The following GALNT13 variants were observed in gnomAD, a reference collection of about 807,000 sequenced individuals.
GALNT13 encodes polypeptide N-acetylgalactosaminyltransferase 13.
Under a neutral mutation model 64.2 loss-of-function variants are expected in GALNT13, and 28 were observed. The ratio of observed to expected loss-of-function variants is 0.44; its 90% confidence interval spans 0.32 to 0.60. The LOEUF is 0.60. Ranked by LOEUF, GALNT13 falls within the 20% of genes least tolerant of loss-of-function variation. The pLI, the probability that GALNT13 is intolerant of heterozygous loss-of-function variation, is 0.05. For synonymous variants in GALNT13, 214 were observed against 224.6 expected (o/e 0.95, Z 0.42); for missense variants, 577 against 669.8 (o/e 0.86, Z 1.53).
chr2:153,669,602 A>G, the GALNT13 span, among the ~76,000 whole-genome samples: 3 of 152,202 alleles, frequency 2.0e-5, no homozygotes, highest in Non-Finnish European at 4.4e-5. Context: ...TACAGCTCCC[A>G]GTGAGATTGA....
chr2:153,949,559 G>T (rs986510452), intron 3 of GALNT13, among the ~76,000 whole-genome samples: 22 of 151,248 alleles, frequency 1.5e-4, no homozygotes, highest in Admixed American at 2.6e-4. Context: ...TAAAATTGAG[G>T]TTTACAGCAT....
At chr2:154,186,167 TCTA>T (rs1043815793) in intron 4 of GALNT13, among the ~76,000 whole-genome samples, 62 of 152,208 alleles carry the variant, frequency 4.1e-4, no homozygotes, top group African/African-American at 1.4e-3. Context: ...TTTTTAAAAA[TCTA>T]CTACTGTCAG....
intron 4 of GALNT13, among the ~76,000 whole-genome samples, chr2:154,146,151 T>TAC (rs1166942384): frequency 2.6e-4 from 36 of 136,106 alleles, no homozygotes; most frequent in East Asian, 7.9e-4. Flanking sequence ...TATATATATA[T>TAC]ACACACACAC....
At chr2:154,290,929 T>A (rs543889576) in intron 8 of GALNT13, among the ~76,000 whole-genome samples, 1 of 152,150 alleles carries the variant, frequency 6.6e-6, no homozygotes, top group Non-Finnish European at 1.5e-5. Context: ...CCAGAGCTGT[T>A]CGTCCCTCCC....
chr2:153,961,476 TTA>T (rs1432442287), intron 3 of GALNT13, among the ~76,000 whole-genome samples: 1 of 141,554 alleles, frequency 7.1e-6, no homozygotes, highest in East Asian at 4.4e-4. Context: ...GGCAAATGCA[TTA>T]GTTAGTGTAA....
the GALNT13 span, among the ~76,000 whole-genome samples, chr2:153,118,476 C>G: frequency 6.6e-6 from 1 of 152,156 alleles, no homozygotes; most frequent in South Asian, 2.1e-4. Context: ...TTTGGATCTT[C>G]CCACATTGGG....
the GALNT13 span, among the ~76,000 whole-genome samples, chr2:153,807,110 A>G: frequency 6.6e-6 from 1 of 152,076 alleles, no homozygotes; most frequent in Non-Finnish European, 1.5e-5. Context: ...TCCGTGTAGT[A>G]ACAGCACAAA....
chr2:153,738,647 G>T, the GALNT13 span, among the ~76,000 whole-genome samples: 6 of 151,874 alleles, frequency 4.0e-5, no homozygotes, highest in East Asian at 1.2e-3. Context: ...TAAAAAATAT[G>T]ATATCTACAC....
At chr2:154,110,593 T>A (rs570575690) in intron 3 of GALNT13, among the ~76,000 whole-genome samples, 1 of 151,654 alleles carries the variant, frequency 6.6e-6, no homozygotes, top group African/African-American at 2.4e-5. Context: ...GCCAGTCTAG[T>A]CTTTTGACAT....
intron 3 of GALNT13, among the ~76,000 whole-genome samples, chr2:154,003,356 G>C (rs959534635): frequency 6.6e-6 from 1 of 152,172 alleles, no homozygotes; most frequent in Non-Finnish European, 1.5e-5. Context: ...GAAATTCTCT[G>C]AGAGTGGTGT....
At chr2:154,367,067 C>CT (rs200634948) in intron 9 of GALNT13, among the ~76,000 whole-genome samples, 6 of 151,082 alleles carry the variant, frequency 4.0e-5, no homozygotes, top group Admixed American at 6.6e-5. Flanking sequence ...AAATAAACTC[C>CT]TTTTTTAAAA....
chr2:153,105,672 T>C, the GALNT13 span, among the ~76,000 whole-genome samples: 2 of 152,114 alleles, frequency 1.3e-5, no homozygotes, highest in Admixed American at 6.6e-5. Context: ...TTCAGCAAAG[T>C]CTCAGGATAC....
chr2:153,412,488 A>C, the GALNT13 span, among the ~76,000 whole-genome samples: 1 of 152,188 alleles, frequency 6.6e-6, no homozygotes, highest in Non-Finnish European at 1.5e-5. Context: ...GCTCATCTCA[A>C]AATAGATGAA....
At chr2:153,825,608 CTGTGTGTGTGTGTGTGTGTG>C in the GALNT13 span, among the ~76,000 whole-genome samples, 21 of 134,776 alleles carry the variant, frequency 1.6e-4, no homozygotes, top group Admixed American at 1.3e-3. Context: ...TCCATGAGTG[CTGTGTGTGTGTGTGTGTGTG>C]TGTGTGTGTG....
At chr2:153,509,333 T>C in the GALNT13 span, among the ~76,000 whole-genome samples, 1 of 152,212 alleles carries the variant, frequency 6.6e-6, no homozygotes, top group African/African-American at 2.4e-5. Flanking sequence ...CTTCCACCTG[T>C]TTCTGGTTCC....
the GALNT13 span, among the ~76,000 whole-genome samples, chr2:153,338,144 T>A: frequency 6.6e-6 from 1 of 151,876 alleles, no homozygotes; most frequent in African/African-American, 2.4e-5. Flanking sequence ...ATAAAAAAAA[T>A]TAGCCAGTCA....
At chr2:154,346,877 T>C (rs1310769629) in intron 9 of GALNT13, among the ~76,000 whole-genome samples, 1 of 152,138 alleles carries the variant, frequency 6.6e-6, no homozygotes, top group Non-Finnish European at 1.5e-5. Flanking sequence ...TTACATCTTC[T>C]AGAAATATTC....
chr2:153,930,045 T>C (rs569904763), intron 2 of GALNT13, among the ~76,000 whole-genome samples: 4 of 152,126 alleles, frequency 2.6e-5, no homozygotes, highest in African/African-American at 9.7e-5. Flanking sequence ...TTCTGACTGG[T>C]GTAAGGTGGT....
the GALNT13 span, among the ~76,000 whole-genome samples, chr2:153,400,548 CT>C: frequency 1.3e-5 from 2 of 152,124 alleles, no homozygotes; most frequent in Non-Finnish European, 2.9e-5. Context: ...GTGAATCCAT[CT>C]GGTCCTGGAC....
Sources: allele counts gnomAD v4.1 joint callset (sites outside exome capture counted in the v4.1 genomes callset), GRCh38; gene constraint gnomAD v4.1.1; transcripts MANE v1.5; gene names NCBI Gene and HGNC (gene_info 2026-07-23, HGNC 2026-07-21).